LINGO2: variants seen among roughly 807,000 people sequenced by gnomAD.
The protein encoded by LINGO2 is leucine-rich repeat and immunoglobulin-like domain-containing nogo receptor-interacting protein 2.
In LINGO2, 14 loss-of-function variants were observed where a neutral mutation model predicts 30.6. The ratio of observed to expected loss-of-function variants is 0.46; its 90% CI spans 0.30 to 0.72. LINGO2 has a LOEUF of 0.72. Among genes scored for constraint, LINGO2 ranks in the 30% least tolerant of loss-of-function variants. LINGO2 has a pLI of 0.07. For synonymous variants in LINGO2, 317 were observed against 288.5 expected (o/e 1.10, Z -1.00); for missense variants, 729 against 751.7 (o/e 0.97, Z 0.35).
the LINGO2 span, among the ~76,000 whole-genome samples, chr9:29,006,727 A>G: frequency 6.6e-6 from 1 of 152,198 alleles, no homozygotes; most frequent in East Asian, 1.9e-4. Context: ...TAAATATTCA[A>G]CATTAAGCAT....
At chr9:28,761,481 T>TGG in the LINGO2 span, among the ~76,000 whole-genome samples, 1 of 75,082 alleles carries the variant, frequency 1.3e-5, no homozygotes, top group East Asian at 5.0e-4. Flanking sequence ...AAAATATACA[T>TGG]GCGCACACAC....
At chr9:28,533,154 C>G (rs1821300370) in intron 1 of LINGO2, among the ~76,000 whole-genome samples, 1 of 152,044 alleles carries the variant, frequency 6.6e-6, no homozygotes, top group African/African-American at 2.4e-5. Context: ...AAGGGGCTGA[C>G]TTGCTGAGTT....
chr9:28,217,298 G>A (rs1820801198), intron 4 of LINGO2, among the ~76,000 whole-genome samples: 1 of 151,532 alleles, frequency 6.6e-6, no homozygotes, highest in Non-Finnish European at 1.5e-5. Context: ...TATCCTTTAA[G>A]TTAAACACCA....
At chr9:29,055,124 C>A in the LINGO2 span, among the ~76,000 whole-genome samples, 1 of 152,158 alleles carries the variant, frequency 6.6e-6, no homozygotes, top group African/African-American at 2.4e-5. Flanking sequence ...GAGGCTGAGG[C>A]AGGAGAATTG....
At chr9:28,031,795 GT>G (rs1823688108) in intron 4 of LINGO2, among the ~76,000 whole-genome samples, 1 of 152,170 alleles carries the variant, frequency 6.6e-6, no homozygotes, top group Non-Finnish European at 1.5e-5. Flanking sequence ...ACACACACTT[GT>G]CTATCAAAGG....
At chr9:28,820,952 T>C in the LINGO2 span, among the ~76,000 whole-genome samples, 19 of 152,314 alleles carry the variant, frequency 1.2e-4, no homozygotes, top group South Asian at 1.0e-3. Context: ...AAATGAGCCT[T>C]CAAGGCTTGC....
chr9:28,555,761 AAACTGAATCCAGCAGCAC>A (rs1439329277), intron 1 of LINGO2, among the ~76,000 whole-genome samples: 3 of 152,086 alleles, frequency 2.0e-5, no homozygotes, highest in Admixed American at 6.6e-5. Flanking sequence ...AAATACTGGC[AAACTGAATCCAGCAGCAC>A]ATCAAAAAGC....
intron 1 of LINGO2, among the ~76,000 whole-genome samples, chr9:28,652,989 A>G (rs1828176897): frequency 6.6e-6 from 1 of 152,262 alleles, no homozygotes; most frequent in South Asian, 2.1e-4. Flanking sequence ...AACTCCAGAT[A>G]AAACTTACAA....
At chr9:28,770,533 A>G in the LINGO2 span, among the ~76,000 whole-genome samples, 10,745 of 152,216 alleles carry the variant, frequency 0.071, 1,258 homozygotes, top group African/African-American at 0.24. Flanking sequence ...AAGATCCAAT[A>G]GTATGCTTCC....
intron 1 of LINGO2, among the ~76,000 whole-genome samples, chr9:28,493,556 G>A (rs1479495070): frequency 1.3e-5 from 2 of 152,102 alleles, no homozygotes; most frequent in African/African-American, 2.4e-5. Context: ...TAAAAAGATA[G>A]CTTATATGTT....
At chr9:29,011,302 T>A in the LINGO2 span, among the ~76,000 whole-genome samples, 951 of 152,292 alleles carry the variant, frequency 6.2e-3, 2 homozygotes, top group Non-Finnish European at 0.01. Flanking sequence ...AGTGAATACC[T>A]TCTTCAGTAG....
chr9:28,278,952 G>A (rs1465444107), intron 4 of LINGO2, among the ~76,000 whole-genome samples: 1 of 152,154 alleles, frequency 6.6e-6, no homozygotes, highest in Admixed American at 6.5e-5. Context: ...TTCACAGGAA[G>A]AGGTCAAAAT....
At chr9:28,673,058 T>C (rs576432049), upstream of LINGO2, among the ~76,000 whole-genome samples, 26 of 152,166 alleles carry the variant, frequency 1.7e-4, no homozygotes, top group South Asian at 5.2e-3. Context: ...TTGGGTGAAA[T>C]GTGTTGATAA....
the LINGO2 span, among the ~76,000 whole-genome samples, chr9:29,040,923 C>A: frequency 7.9e-5 from 12 of 152,002 alleles, no homozygotes; most frequent in East Asian, 2.3e-3. Context: ...GCACTGAGTC[C>A]ATTAATATAC....
At chr9:28,462,414 TA>T (rs61677547) in intron 2 of LINGO2, among the ~76,000 whole-genome samples, 4,049 of 89,090 alleles carry the variant, frequency 0.045, 174 homozygotes, top group African/African-American at 0.16. Flanking sequence ...ATGCTCTAGC[TA>T]AAAAAAAAAA....
chr9:28,789,953 G>T, the LINGO2 span, among the ~76,000 whole-genome samples: 1 of 152,144 alleles, frequency 6.6e-6, no homozygotes, highest in Non-Finnish European at 1.5e-5. Flanking sequence ...GAAGACAGTG[G>T]TACATATATA....
At chr9:28,656,882 C>A (rs570550257) in intron 1 of LINGO2, among the ~76,000 whole-genome samples, 1 of 152,012 alleles carries the variant, frequency 6.6e-6, no homozygotes, top group African/African-American at 2.4e-5. Flanking sequence ...AATAGCTTCA[C>A]CCTTGCTCTC....
chr9:28,461,891 C>G (rs1404989387), intron 2 of LINGO2, among the ~76,000 whole-genome samples: 1 of 152,130 alleles, frequency 6.6e-6, no homozygotes, highest in Non-Finnish European at 1.5e-5. Flanking sequence ...AATTTTTTAA[C>G]TACTCTGTGA....
the LINGO2 span, among the ~76,000 whole-genome samples, chr9:28,865,129 C>A: frequency 6.6e-6 from 1 of 152,032 alleles, no homozygotes; most frequent in Non-Finnish European, 1.5e-5. Context: ...AACACATATA[C>A]CACGGCCTAT....
Sources: allele counts gnomAD v4.1 joint callset (sites outside exome capture counted in the v4.1 genomes callset), GRCh38; gene constraint gnomAD v4.1.1; transcripts MANE v1.5; gene names NCBI Gene and HGNC (gene_info 2026-07-23, HGNC 2026-07-21).